The following GET4 variants were observed in gnomAD, a reference collection of about 807,000 sequenced individuals.
GET4 encodes Golgi to ER traffic protein 4 homolog.
In GET4, 20 loss-of-function variants were observed where a neutral mutation model predicts 40.0. That is an observed-to-expected ratio of 0.50 (90% confidence interval 0.35 to 0.73). The LOEUF is 0.73. Among genes scored for constraint, GET4 ranks in the 30% least tolerant of loss-of-function variants. GET4 has a pLI of 0.01. For synonymous variants in GET4, 280 were observed against 194.6 expected (o/e 1.44, Z -3.65); for missense variants, 557 against 454.0 (o/e 1.23, Z -2.06).
rs201692907 is a variant in GET4, at chr7:895,416, G to A, written c.978G>A (p.Leu326=). 5.8e-6 allele frequency: 9 copies of A among 1,553,708 alleles called. No homozygotes were observed. The Admixed American group carries it at 8.4e-5, about 14-fold the overall frequency. Residue 326 remains leucine (L), a synonymous_variant, in exon 9 of 9, where the codon CTG becomes CTA. Transcript: ENST00000265857. ...ESPSDGSPIE[L]D ...CCAGCGACGGCAGCCCCATCGAGCT[G>A]GACTGAACTGGCCAGGCCACGTGGA...
rs1844180646 is a variant in GET4 at position 886,053 on chromosome 7, C to T, written c.156-3C>T. ...GTGGCTCACGGTCTCCTCTCTGTGG[C>T]AGGTACATGTCCCAGAGCAAGCACA... On this transcript the variant is annotated splice_polypyrimidine_tract_variant and splice_region_variant and intron_variant, in intron 1 of 8. Transcript: ENST00000265857. 7 of 1,586,312 alleles carry T rather than the reference C, an allele frequency of 4.4e-6. No homozygotes were observed. In the South Asian group the frequency reaches 7.7e-5, roughly 18 times the overall value.
At chr7:891,423 C>T (rs762266313) in intron 5 of GET4, among the ~76,000 whole-genome samples, 11 of 152,160 alleles carry the variant, frequency 7.2e-5, no homozygotes, top group Non-Finnish European at 1.0e-4. Context: ...ATCTACCCCG[C>T]GGCCCCTCCC....
chr7:883,990 G>A (rs1844137393), intron 1 of GET4: 6 of 1,085,642 alleles, frequency 5.5e-6, no homozygotes, highest in Non-Finnish European at 6.8e-6. Flanking sequence ...CGGCTGCAAG[G>A]CGCAGTCCAA....
intron 1 of GET4, chr7:882,822 T>G (rs2128627075): frequency 6.6e-6 from 1 of 152,462 alleles, no homozygotes; most frequent in East Asian, 1.9e-4. Flanking sequence ...AGCCTCAGCC[T>G]TGGCTGTAGT....
chr7:891,197 C>A (rs1184624705), intron 5 of GET4, 131 bp downstream of exon 5: 4 of 658,342 alleles, frequency 6.1e-6, no homozygotes, highest in South Asian at 2.0e-5. Flanking sequence ...GCAGAGCCCA[C>A]AGTGCACTTG....
chr7:893,139 G>A (rs567657719), intron 6 of GET4, among the ~76,000 whole-genome samples: 142 of 144,796 alleles, frequency 9.8e-4, no homozygotes, highest in Non-Finnish European at 1.9e-3. Context: ...CGTGGTGTGT[G>A]CAGGTGAGTG....
At chr7:877,670 C>A (rs1226452374) in intron 1 of GET4, among the ~76,000 whole-genome samples, 2 of 136,116 alleles carry the variant, frequency 1.5e-5, no homozygotes, top group Admixed American at 1.4e-4. Flanking sequence ...TCACCTGCTC[C>A]CCACCCCATA....
intron 3 of GET4, chr7:886,918 C>A: frequency 1.8e-6 from 1 of 547,978 alleles, no homozygotes; most frequent in Non-Finnish European, 3.3e-6. Flanking sequence ...CTCCGATGGA[C>A]AGTGGCCTCC....
At chr7:895,282 G>A in intron 8 of GET4, 52 bp from the exon 9 acceptor site, 2 of 861,938 alleles carry the variant, frequency 2.3e-6, no homozygotes, top group East Asian at 2.5e-5. Flanking sequence ...AGGGGCTTGG[G>A]GGCCTGTGGG....
At position 895,468 on chromosome 7, in the gene GET4, G is replaced by T. The variant is rs544963423; in HGVS notation, c.*46G>T. The T allele has an allele frequency of 2.9e-6, 3 of 1,034,196 alleles. No homozygotes were observed. Among genetic ancestry groups the T allele is most frequent in the Non-Finnish European group, 4.5e-6 (3 of 667,448 alleles). The allele number at this position is 1,034,196 out of a possible 1,614,324, so 64.1% of individuals were successfully genotyped here. A position where few individuals can be genotyped will look rare whatever the true frequency, so the allele number is the denominator to read the frequency against. ...ACACCACGGTCGACGACGGCTGGAG[G>T]GACGTTTCAGAGGCGAGTCCTGGGT... On this transcript the variant is annotated 3_prime_UTR_variant, in exon 9 of 9. Coordinates refer to ENST00000265857, the MANE Select transcript of GET4 (RefSeq NM_015949.3).
At chr7:886,362 G>A (rs1164644859) in intron 2 of GET4, 1 of 607,568 alleles carries the variant, frequency 1.6e-6, no homozygotes. Context: ...AGGGCGTTGT[G>A]TTGGTATAAA....
chr7:876,850 C>T (rs1246208713), intron 1 of GET4, 50 bp downstream of exon 1: 2 of 1,029,288 alleles, frequency 1.9e-6, no homozygotes, highest in South Asian at 4.6e-5. Context: ...CCCGCCGCCT[C>T]CCATTGGCCG....
At chr7:886,694 C>T (rs767069161) in intron 3 of GET4, 44 bp downstream of exon 3, 4 of 1,221,942 alleles carry the variant, frequency 3.3e-6, no homozygotes, top group South Asian at 1.2e-5. Flanking sequence ...GACAGCGGCC[C>T]CAGTACGCCC....
chr7:882,577 A>G (rs370227796), intron 1 of GET4: 3,161 of 129,510 alleles, frequency 0.024, 162 homozygotes, highest in East Asian at 0.21. Flanking sequence ...ACCTTGCTCC[A>G]GGGATGGCGC....
At chr7:881,907 G>A (rs573712697) in intron 1 of GET4, 4 of 152,360 alleles carry the variant, frequency 2.6e-5, no homozygotes, top group African/African-American at 2.4e-5. Flanking sequence ...GCTTCCACTT[G>A]TAAGTGGGGA....
intron 4 of GET4, among the ~76,000 whole-genome samples, chr7:888,709 G>A (rs1471003572): frequency 2.0e-5 from 3 of 152,240 alleles, no homozygotes; most frequent in Non-Finnish European, 4.4e-5. Context: ...ACCTGCTGCC[G>A]CCTTCCCTGG....
At chr7:893,457 T>TGGGCGC (rs1189345034) in intron 6 of GET4, among the ~76,000 whole-genome samples, 2 of 138,818 alleles carry the variant, frequency 1.4e-5, no homozygotes, top group Non-Finnish European at 3.1e-5. Context: ...AGGTGAGTGT[T>TGGGCGC]GGGCGCGGGC....
At chr7:879,537 G>GC (rs1418264238) in intron 1 of GET4, among the ~76,000 whole-genome samples, 1 of 152,170 alleles carries the variant, frequency 6.6e-6, no homozygotes, top group Non-Finnish European at 1.5e-5. Flanking sequence ...GTGCATGTGG[G>GC]CCCCTGATCG....
In GET4 at chr7:892,362, T is replaced by C. The variant is rs1562897617; in HGVS notation, c.690T>C (p.Pro230=). The C allele has an allele frequency of 6.3e-7, 1 of 1,594,596 alleles. No homozygotes were observed. The highest frequency in any genetic ancestry group is 2.3e-5 in the East Asian group (1 of 44,214). ...TQKHPSIEDG[P]PFVEPLLNFI... ...AGCACCCGTCCATCGAGGACGGGCC[T>C]CCGTTTGTGGAGCCGCTGCTTAACT... Residue 230 remains proline, a synonymous_variant, in exon 6 of 9, where the codon CCT becomes CCC. Transcript: ENST00000265857.
Sources: gnomAD v4.1 joint callset for allele counts (sites outside exome capture counted in the v4.1 genomes callset) on GRCh38, gnomAD v4.1.1 for gene constraint, MANE v1.5 for transcripts, NCBI Gene and HGNC (gene_info 2026-07-23, HGNC 2026-07-21) for gene names.